The following RASAL1 variants were observed in gnomAD, a reference collection of about 807,000 sequenced individuals.
RASAL1 encodes the protein RAS protein activator like 1.
Under a neutral mutation model 96.6 loss-of-function variants are expected in RASAL1, and 72 were observed. The ratio of observed to expected loss-of-function variants is 0.75; its 90% CI spans 0.62 to 0.91. The LOEUF is 0.91. RASAL1 is among the 40% of genes least tolerant of loss of function. The pLI, the probability that RASAL1 is intolerant of heterozygous loss-of-function variation, is 0.00. For missense variants in RASAL1, 1,016 were observed against 1,072.5 expected (o/e 0.95, Z 0.74); for synonymous variants, 405 against 430.4 (o/e 0.94, Z 0.73).
intron 1 of RASAL1, among the ~76,000 whole-genome samples, chr12:113,134,055 G>T (rs1014003271): frequency 6.6e-6 from 1 of 152,212 alleles, no homozygotes; most frequent in African/African-American, 2.4e-5. Context: ...CCACCTAGCA[G>T]CTGCCAGGCA....
Position 113,100,622 on chromosome 12 carries a change from C to A in RASAL1, c.2278+6G>T. ...CCTTTACCTTCTGAGGTACAGGAGC[C>A]CTTACCTGTGTCTGCCTCCAGAGTT... On this transcript the variant is annotated splice_donor_region_variant and intron_variant, in intron 20 of 20. Transcript: ENST00000548055. The A allele has an allele frequency of 5.0e-6, 8 of 1,607,278 alleles. No homozygotes were observed. Among genetic ancestry groups the A allele is most frequent in the Non-Finnish European group, 6.8e-6 (8 of 1,174,494 alleles).
chr12:113,134,239 G>A (rs976179939), intron 1 of RASAL1, among the ~76,000 whole-genome samples: 5 of 152,148 alleles, frequency 3.3e-5, no homozygotes, highest in African/African-American at 1.2e-4. Flanking sequence ...GAGGATGAAG[G>A]GTGGCAAAAA....
rs148498985 is a variant in RASAL1 at position 113,107,144 on chromosome 12, C to T, written c.1610G>A (p.Arg537His). Residue 537 changes from arginine (R) to histidine (H), a missense_variant, in exon 15 of 21, where the codon CGT (arginine) becomes CAT (histidine). Coordinates refer to ENST00000548055, the MANE Select transcript of RASAL1 (RefSeq NM_001301202.2). ...CAGCCGGTCCAGGAAGTCTCTCACA[C>T]GTGAGACACACTGCAGCAGGAAGGG... ...LHPFLLQCVSRVRDFLDRLVD... is the reference protein window; with the variant it reads ...LHPFLLQCVSHVRDFLDRLVD... The T allele has an allele frequency of 3.0e-5, 48 of 1,613,730 alleles. 1 individual carries two copies. Among genetic ancestry groups the T allele is most frequent in the South Asian group, 2.0e-4 (18 of 91,028 alleles).
intron 16 of RASAL1, among the ~76,000 whole-genome samples, chr12:113,104,733 C>T (rs899530633): frequency 1.3e-5 from 2 of 152,108 alleles, no homozygotes; most frequent in African/African-American, 2.4e-5. Flanking sequence ...AACTCCTGGC[C>T]TCAAGTGATC....
chr12:113,121,853 C>G (rs1271247779), intron 4 of RASAL1, among the ~76,000 whole-genome samples: 1 of 152,020 alleles, frequency 6.6e-6, no homozygotes, highest in Admixed American at 6.5e-5. Context: ...TCCCGACCAG[C>G]TGGGACTTTA....
rs562045896 is a variant in RASAL1 at position 113,113,835 on chromosome 12, C to G, written c.1181+965G>C. On this transcript the variant is annotated intron_variant, in intron 12 of 20. Coordinates refer to ENST00000548055, the MANE Select transcript of RASAL1 (RefSeq NM_001301202.2). ...CACGGAGGGGTGGAATGACCCCCAG[C>G]CACTGCTCTGCTTCCTCCCAATCTC... is the stretch of plus-strand genomic sequence containing the variant. 3.3e-5 allele frequency among the ~76,000 whole-genome samples: 5 copies of G among 152,322 alleles called. No individual in the cohort carries two copies. The South Asian group carries it at 1.0e-3, about 32-fold the overall frequency.
chr12:113,130,779 C>T lies in RASAL1; in HGVS notation c.122+106G>A. 1 of 923,214 alleles carries T rather than the reference C, an allele frequency of 1.1e-6. No individual in the cohort carries two copies. The highest frequency in any genetic ancestry group is 1.6e-5 in the South Asian group (1 of 60,808). The allele number at this position is 923,214 out of a possible 1,614,324, so 57.2% of individuals were successfully genotyped here. ...CACCCACCTGCAGGCCCGCGAGTCC[C>T]CCTCAGGGTAAGCACTCCTTTAAAT... On this transcript the variant is annotated intron_variant, in intron 2 of 20. Coordinates refer to ENST00000548055, the MANE Select transcript of RASAL1 (RefSeq NM_001301202.2). This position sits in a 1 kb window ranked among gnomAD's most constrained non-coding sequence, Gnocchi z 5.1.
At position 113,100,057 on chromosome 12, in the gene RASAL1, C is replaced by T. The variant is rs1383969340; in HGVS notation, c.2290G>A (p.Glu764Lys). ...TLEADTGACP[E>K]VLARQRAATA... ...GCTGCTCTTTGCCGGGCCAGGACCT[C>T]AGGACAGGCCCCTAGGAGGGAGACA... Residue 764 changes from glutamate to lysine, a missense_variant, in exon 21 of 21, where the codon GAG (glutamate) becomes AAG (lysine). By Grantham distance (56) the Glu-to-Lys change is moderately conservative. Coordinates refer to ENST00000548055, the MANE Select transcript of RASAL1 (RefSeq NM_001301202.2). The T allele has an allele frequency of 3.1e-6, 5 of 1,608,172 alleles. No individual in the cohort carries two copies.
Position 113,115,230 on chromosome 12 carries a change from C to T in RASAL1, c.1038G>A (p.Leu346=). 1 of 1,613,996 alleles carries T rather than the reference C, an allele frequency of 6.2e-7. No homozygotes were observed. Among genetic ancestry groups the T allele is most frequent in the Non-Finnish European group, 8.5e-7 (1 of 1,179,892 alleles). The part of the protein sequence containing the change: ...DPNTLFRSNS[L]ASKSMEQFMK... The stretch of plus-strand genomic sequence containing the variant: ...TAAACTGTTCCATCGACTTGGATGC[C>T]AGGGAGTTAGAACGGAAGAGGGTGT... The change falls in exon 11 of 21, where the codon CTG becomes CTA. Residue 346 remains leucine, a synonymous_variant. Coordinates refer to ENST00000548055, the MANE Select transcript of RASAL1 (RefSeq NM_001301202.2). The surrounding 1 kb of genome is among the most constrained non-coding windows in gnomAD (Gnocchi z 4.1).
chr12:113,131,710 C>T (rs1049505112), intron 1 of RASAL1, among the ~76,000 whole-genome samples: 1 of 152,214 alleles, frequency 6.6e-6, no homozygotes, highest in African/African-American at 2.4e-5. Context: ...AGCTGTCTAA[C>T]AGGTCCCTCA....
intron 5 of RASAL1, among the ~76,000 whole-genome samples, chr12:113,119,995 C>A (rs558777489): frequency 6.6e-6 from 1 of 152,296 alleles, no homozygotes; most frequent in South Asian, 2.1e-4. Flanking sequence ...ATTCATTCAA[C>A]AAACACCCAT....
intron 12 of RASAL1, among the ~76,000 whole-genome samples, chr12:113,112,579 G>A (rs1371792008): frequency 6.6e-6 from 1 of 152,092 alleles, no homozygotes; most frequent in African/African-American, 2.4e-5. Flanking sequence ...TCCCCTGCGA[G>A]GCTGCCCCTG....
chr12:113,119,630 TG>T (rs1317474509), intron 5 of RASAL1, among the ~76,000 whole-genome samples, 187 bp from the exon 6 acceptor site: 1 of 152,112 alleles, frequency 6.6e-6, no homozygotes, highest in South Asian at 2.1e-4. Context: ...CACCACCCTA[TG>T]GGGAGGCACT....
intron 7 of RASAL1, 48 bp from the exon 8 acceptor site, chr12:113,117,209 G>A: frequency 7.1e-7 from 1 of 1,409,928 alleles, no homozygotes; most frequent in Non-Finnish European, 9.8e-7. Flanking sequence ...GGCCTGCCCT[G>A]CCCTGCCTGG....
rs1950608230 is a variant in RASAL1 at position 113,105,353 on chromosome 12, G to A, written c.1830+361C>T. On this transcript the variant is annotated intron_variant, in intron 16 of 20. Transcript: ENST00000548055. ...TGGATGTGCCTGAACATCTGCACAC[G>A]TTCCTAGTGAACACATTCAATTTTA... 2.6e-5 allele frequency among the ~76,000 whole-genome samples: 4 copies of A among 152,250 alleles called. No individual in the cohort carries two copies. In the South Asian group the frequency reaches 8.3e-4, roughly 32 times the overall value.
intron 1 of RASAL1, among the ~76,000 whole-genome samples, chr12:113,132,381 C>G (rs1951753594): frequency 6.6e-6 from 1 of 152,160 alleles, no homozygotes; most frequent in Admixed American, 6.5e-5. Flanking sequence ...CCCCTGGCCC[C>G]CACATCTGGC....
rs2136264826 is a variant in RASAL1, at chr12:113,130,996, G to C, written c.66-55C>G. 2 of 1,392,166 alleles carry C rather than the reference G, an allele frequency of 1.4e-6. No individual in the cohort carries two copies. Among genetic ancestry groups the C allele is most frequent in the African/African-American group, 1.4e-5 (1 of 70,328 alleles). 86.2% of individuals were successfully genotyped at this position (1,392,166 alleles called of 1,614,324 possible). On this transcript the variant is annotated intron_variant, in intron 1 of 20. Transcript: ENST00000548055. The surrounding 1 kb of genome is among the most constrained non-coding windows in gnomAD (Gnocchi z 5.1). ...CAGGTTGAGAGGGCAGCCATGAGTG[G>C]AGGGTCCCAGTCATGACACAGGCAG... is the stretch of plus-strand genomic sequence containing the variant.
intron 13 of RASAL1, among the ~76,000 whole-genome samples, chr12:113,108,833 C>T (rs1055586045): frequency 6.5e-5 from 7 of 108,518 alleles, no homozygotes; most frequent in East Asian, 2.6e-4. Context: ...TTTTTTTTTT[C>T]TTTCTTTTTT....
At chr12:113,107,681 C>T in intron 14 of RASAL1, 3 of 386,386 alleles carry the variant, frequency 7.8e-6, no homozygotes, top group South Asian at 4.2e-5. Flanking sequence ...GTCTGTTTCC[C>T]CTTCCTCTTT....
Sources: gnomAD v4.1 joint callset for allele counts (sites outside exome capture counted in the v4.1 genomes callset) on GRCh38, gnomAD v4.1.1 for gene constraint, Gnocchi (gnomAD v3.1) non-coding constraint, MANE v1.5 for transcripts, NCBI Gene and HGNC (gene_info 2026-07-23, HGNC 2026-07-21) for gene names.